The following IGFBP7 variants were observed in gnomAD, a reference collection of about 807,000 sequenced individuals.
IGFBP7 encodes the protein insulin like growth factor binding protein 7.
IGFBP7 carries 31 observed loss-of-function variants against 29.4 expected under a neutral mutation model. That is an observed-to-expected ratio of 1.05 (90% CI 0.79 to 1.42). IGFBP7 has a LOEUF of 1.42. IGFBP7 is among the 40% of genes most tolerant of loss of function. IGFBP7 has a pLI of 0.00. For missense variants in IGFBP7, 393 were observed against 395.5 expected (o/e 0.99, Z 0.05); for synonymous variants, 172 against 174.9 (o/e 0.98, Z 0.13).
chr4:57,034,078 A>G (rs1724022066), intron 2 of IGFBP7, among the ~76,000 whole-genome samples: 2 of 148,792 alleles, frequency 1.3e-5, no homozygotes, highest in South Asian at 4.2e-4. Context: ...ACAGCTGTCA[A>G]ATACATGTGC....
intron 2 of IGFBP7, among the ~76,000 whole-genome samples, chr4:57,040,463 C>T (rs974858766): frequency 7.9e-5 from 12 of 152,142 alleles, no homozygotes; most frequent in Admixed American, 7.2e-4. Flanking sequence ...CGCTTTTAAC[C>T]CCTATGCTAT....
intron 2 of IGFBP7, among the ~76,000 whole-genome samples, 162 bp downstream of exon 2, chr4:57,040,662 T>A (rs1193995536): frequency 6.6e-6 from 1 of 152,234 alleles, no homozygotes; most frequent in East Asian, 1.9e-4. Flanking sequence ...CTGGTTTTTG[T>A]TCCATGAATC....
At chr4:57,101,064 T>G (rs1439009108) in intron 1 of IGFBP7, among the ~76,000 whole-genome samples, 1 of 152,282 alleles carries the variant, frequency 6.6e-6, no homozygotes, top group Admixed American at 6.5e-5. Flanking sequence ...GTCTAGTTAA[T>G]AATTCTTTAC....
chr4:57,055,625 G>A (rs1361934570), intron 1 of IGFBP7, among the ~76,000 whole-genome samples: 1 of 133,212 alleles, frequency 7.5e-6, no homozygotes, highest in Non-Finnish European at 1.6e-5. Context: ...TCAATCACGC[G>A]GGGGTGGACA....
At chr4:57,102,081 A>G (rs745315677) in intron 1 of IGFBP7, among the ~76,000 whole-genome samples, 26 of 152,296 alleles carry the variant, frequency 1.7e-4, no homozygotes, top group Admixed American at 1.5e-3. Flanking sequence ...AAAAACACAG[A>G]TGAGGTCAGA....
intron 1 of IGFBP7, among the ~76,000 whole-genome samples, chr4:57,070,378 AAAC>A (rs887007894): frequency 1.1e-3 from 169 of 152,334 alleles, no homozygotes; most frequent in African/African-American, 4.0e-3. Flanking sequence ...CCCCACAACT[AAAC>A]AAAAAATTTG....
intron 1 of IGFBP7, among the ~76,000 whole-genome samples, chr4:57,104,262 C>T (rs573203995): frequency 1.3e-4 from 20 of 152,262 alleles, no homozygotes; most frequent in African/African-American, 4.6e-4. Flanking sequence ...AACTCTACCA[C>T]AACCTCTATG....
At chr4:57,097,943 A>G (rs1485871521) in intron 1 of IGFBP7, among the ~76,000 whole-genome samples, 1 of 152,168 alleles carries the variant, frequency 6.6e-6, no homozygotes, top group Non-Finnish European at 1.5e-5. Context: ...CACAGTCACA[A>G]CCATGGGGTT....
chr4:57,094,969 T>C (rs1004012751), intron 1 of IGFBP7, among the ~76,000 whole-genome samples: 2 of 152,254 alleles, frequency 1.3e-5, no homozygotes, highest in Non-Finnish European at 2.9e-5. Flanking sequence ...GCTGTCACAC[T>C]ATCAAACAAG....
At chr4:57,043,196 G>A (rs1159405568) in intron 1 of IGFBP7, among the ~76,000 whole-genome samples, 1 of 152,198 alleles carries the variant, frequency 6.6e-6, no homozygotes, top group Non-Finnish European at 1.5e-5. Flanking sequence ...GGGACCGTCC[G>A]CAGAGGAGGG....
chr4:57,046,901 C>G (rs1724374020), intron 1 of IGFBP7, among the ~76,000 whole-genome samples: 1 of 152,236 alleles, frequency 6.6e-6, no homozygotes. Flanking sequence ...ACCTTACACA[C>G]TCAATTAATT....
chr4:57,075,782 G>A (rs1050238494), intron 1 of IGFBP7, among the ~76,000 whole-genome samples: 5 of 152,104 alleles, frequency 3.3e-5, no homozygotes, highest in Non-Finnish European at 7.4e-5. Context: ...TAGACACAAG[G>A]CAGAGGAATG....
chr4:57,032,334 A>G (rs77963616), intron 4 of IGFBP7, 92 bp downstream of exon 4: 6 of 1,527,382 alleles, frequency 3.9e-6, no homozygotes, highest in South Asian at 1.3e-5. Flanking sequence ...AATTTCATCA[A>G]TAGCTACGTC....
intron 1 of IGFBP7, among the ~76,000 whole-genome samples, chr4:57,062,061 G>T (rs1724813174): frequency 6.6e-6 from 1 of 152,144 alleles, no homozygotes; most frequent in Non-Finnish European, 1.5e-5. Context: ...GAGGTTCAGT[G>T]GGACTAAGTG....
At chr4:57,092,421 C>G (rs372303806) in intron 1 of IGFBP7, among the ~76,000 whole-genome samples, 1 of 152,006 alleles carries the variant, frequency 6.6e-6, no homozygotes, top group African/African-American at 2.4e-5. Context: ...CAGGCAGGGT[C>G]CCTGGTTTTA....
intron 1 of IGFBP7, among the ~76,000 whole-genome samples, chr4:57,046,977 A>G (rs531988409): frequency 6.6e-6 from 1 of 152,086 alleles, no homozygotes; most frequent in Non-Finnish European, 1.5e-5. Context: ...CCTATTTTTT[A>G]TAACTCTCGC....
In IGFBP7 at chr4:57,109,951, C is replaced by A; in HGVS notation, c.401G>T (p.Arg134Leu). The part of the protein sequence containing the change: ...GTTYPSGCQL[R>L]AASQRAESRG... Reference sequence around the variant, plus strand: ...GCTCTCGGCCCTCTGGCTGGCGGCGCGCAGCTGGCAGCCGCTCGGGTAGGT... The same window carrying A: ...GCTCTCGGCCCTCTGGCTGGCGGCGAGCAGCTGGCAGCCGCTCGGGTAGGT... Residue 134 changes from arginine (R) to leucine (L), a missense_variant, in exon 1 of 5, where the codon CGC becomes CTC. By Grantham distance (102) the Arg-to-Leu change is moderately radical. Coordinates refer to ENST00000295666, the MANE Select transcript of IGFBP7 (RefSeq NM_001553.3). The A allele has an allele frequency of 6.4e-7, 1 of 1,554,042 alleles. No homozygotes were observed. Among genetic ancestry groups the A allele is most frequent in the Non-Finnish European group, 8.6e-7 (1 of 1,156,294 alleles).
At chr4:57,038,760 CA>C (rs1156319929) in intron 2 of IGFBP7, among the ~76,000 whole-genome samples, 8 of 151,586 alleles carry the variant, frequency 5.3e-5, no homozygotes, top group African/African-American at 1.9e-4. Flanking sequence ...CTCAGCAATT[CA>C]AAATGTATAA....
chr4:57,052,163 G>A (rs1034955052), intron 1 of IGFBP7, among the ~76,000 whole-genome samples: 1 of 152,152 alleles, frequency 6.6e-6, no homozygotes, highest in African/African-American at 2.4e-5. Flanking sequence ...CAAGGTCGCA[G>A]CAATGAGAAG....
Sources: gnomAD v4.1 joint callset for allele counts (sites outside exome capture counted in the v4.1 genomes callset) on GRCh38, gnomAD v4.1.1 for gene constraint, MANE v1.5 for transcripts, NCBI Gene and HGNC (gene_info 2026-07-23, HGNC 2026-07-21) for gene names.